Variants in KCNQ1 observed in about 807,000 individuals in gnomAD.
The protein encoded by KCNQ1 is potassium voltage-gated channel subfamily KQT member 1.
Under a neutral mutation model 72.4 loss-of-function variants are expected in KCNQ1, and 49 were observed. That is an observed-to-expected ratio of 0.68 (90% CI 0.54 to 0.86). The LOEUF (loss-of-function observed/expected upper bound fraction) is 0.86, where lower values mean the gene tolerates loss of function less well. Ranked by LOEUF, KCNQ1 falls within the 40% of genes least tolerant of loss-of-function variation. The probability of loss-of-function intolerance (pLI) is 0.00; values close to 1 mark genes in which losing one functional copy is unlikely to be tolerated. For missense variants in KCNQ1, 790 were observed against 945.1 expected (o/e 0.84, Z 2.15); for synonymous variants, 450 against 412.6 (o/e 1.09, Z -1.10).
chr11:2,718,840 G>A (rs1851148193), intron 11 of KCNQ1, among the ~76,000 whole-genome samples: 1 of 152,220 alleles, frequency 6.6e-6, no homozygotes, highest in African/African-American at 2.4e-5. Flanking sequence ...AGCTGGCTAG[G>A]CAGGCATCCC....
intron 1 of KCNQ1, among the ~76,000 whole-genome samples, chr11:2,452,925 A>G (rs1846136118): frequency 6.6e-6 from 1 of 152,202 alleles, no homozygotes; most frequent in South Asian, 2.1e-4. Flanking sequence ...CCCACTTGTC[A>G]CATCACACAC....
chr11:2,506,698 C>T (rs763744428), intron 1 of KCNQ1, among the ~76,000 whole-genome samples: 26 of 152,362 alleles, frequency 1.7e-4, no homozygotes, highest in Admixed American at 1.2e-3. Context: ...AACGGTTGCA[C>T]ATTTGCACTC....
At position 2,538,616 on chromosome 11, in the gene KCNQ1, G is replaced by A. The variant is rs79630929; in HGVS notation, c.477+10598G>A. 0.061 allele frequency among the ~76,000 whole-genome samples: 9,294 copies of A among 151,608 alleles called. 368 individuals are homozygous for A. The highest frequency in any genetic ancestry group is 0.089 in the Non-Finnish European group (6,042 of 67,862). On this transcript the variant is annotated intron_variant, in intron 2 of 15. Transcript: ENST00000155840. This position sits in a 1 kb window ranked among gnomAD's most constrained non-coding sequence, Gnocchi z 6.7. The stretch of plus-strand genomic sequence containing the variant: ...GGGAATCCTGGGCTGGAACCGGAAC[G>A]TTCCCCGAGTACATAGGAATCCTGG...
rs1374145777 is a variant in KCNQ1 at position 2,661,010 on chromosome 11, C to G, written c.1394-951C>G. The G allele has an allele frequency of 2.5e-6, 1 of 398,406 alleles. No homozygotes were observed. Among genetic ancestry groups the G allele is most frequent in the African/African-American group, 2.1e-5 (1 of 48,598 alleles). 24.7% of individuals were successfully genotyped at this position (398,406 alleles called of 1,614,324 possible). ...ATGACTAAAATAATTAAATCCATGC[C>G]TATATACCTAGAGAAAAATGAAATG... On this transcript the variant is annotated intron_variant, in intron 10 of 15. Transcript: ENST00000155840. This position sits in a 1 kb window ranked among gnomAD's most constrained non-coding sequence, Gnocchi z 5.9.
intron 11 of KCNQ1, among the ~76,000 whole-genome samples, chr11:2,763,388 ACCC>A: frequency 7.5e-6 from 1 of 133,492 alleles, no homozygotes. Context: ...AAATAACAAG[ACCC>A]CATCTTAGAA....
chr11:2,467,565 A>C (rs1368561553), intron 1 of KCNQ1, among the ~76,000 whole-genome samples: 4 of 152,182 alleles, frequency 2.6e-5, no homozygotes, highest in Non-Finnish European at 5.9e-5. Context: ...GACCATTGAG[A>C]TCACGTCAGG....
At chr11:2,571,939 C>A in intron 4 of KCNQ1, 74 bp from the exon 5 acceptor site, 2 of 1,298,706 alleles carry the variant, frequency 1.5e-6, no homozygotes, top group East Asian at 2.4e-5. Flanking sequence ...CCCATGCCAT[C>A]GGCCAGCCCT....
Position 2,475,851 on chromosome 11 carries a change from G to A in KCNQ1, c.386+30367G>A, listed in dbSNP as rs1274553293. 3.9e-5 allele frequency among the ~76,000 whole-genome samples: 6 copies of A among 152,182 alleles called. No homozygotes were observed. The highest frequency in any genetic ancestry group is 9.6e-5 in the African/African-American group (4 of 41,452). On this transcript the variant is annotated intron_variant, in intron 1 of 15. Coordinates refer to ENST00000155840, the MANE Select transcript of KCNQ1 (RefSeq NM_000218.3). The surrounding 1 kb of genome is among the most constrained non-coding windows in gnomAD (Gnocchi z 5.8). Reference sequence around the variant, plus strand: ...TCATGTTTTGCCTGCCACCATCCACGTAAGATGGGACTTGGTCCTCCTTGC... The same window carrying A: ...TCATGTTTTGCCTGCCACCATCCACATAAGATGGGACTTGGTCCTCCTTGC...
At position 2,475,027 on chromosome 11, in the gene KCNQ1, C is replaced by T. The variant is rs1462951938; in HGVS notation, c.386+29543C>T. ...TAAAATACACGTAACGTAAAATTGA[C>T]CTTTTTAACCCATGTTTCATGGTCT... On this transcript the variant is annotated intron_variant, in intron 1 of 15. Coordinates refer to ENST00000155840, the MANE Select transcript of KCNQ1 (RefSeq NM_000218.3). This position sits in a 1 kb window ranked among gnomAD's most constrained non-coding sequence, Gnocchi z 5.8. Among the ~76,000 whole-genome samples the T allele has an allele frequency of 6.6e-6, 1 of 152,142 alleles. No individual in the cohort carries two copies. The highest frequency in any genetic ancestry group is 6.5e-5 in the Admixed American group (1 of 15,278).
At chr11:2,675,060 G>C in intron 11 of KCNQ1, 1 of 398,690 alleles carries the variant, frequency 2.5e-6, no homozygotes, top group Non-Finnish European at 4.4e-6. Flanking sequence ...GCCAAGGGCA[G>C]AGCCCCTGGA....
intron 11 of KCNQ1, among the ~76,000 whole-genome samples, chr11:2,741,578 C>T (rs1046770649): frequency 6.6e-6 from 1 of 152,240 alleles, no homozygotes; most frequent in Non-Finnish European, 1.5e-5. Context: ...TCTTCCAACC[C>T]AGGCCTGAGC....
rs1454432134 is a variant in KCNQ1, at chr11:2,447,061, C to G, written c.386+1577C>G. Among the ~76,000 whole-genome samples the G allele has an allele frequency of 1.3e-5, 2 of 152,232 alleles. No homozygotes were observed. Among genetic ancestry groups the G allele is most frequent in the East Asian group, 3.8e-4 (2 of 5,196 alleles). ...CCAAGGCAAAGTGCCCGCAGACCCC[C>G]TCAATTCTCACTTGTATTCAGGTTT... On this transcript the variant is annotated intron_variant, in intron 1 of 15. Transcript: ENST00000155840. This position sits in a 1 kb window ranked among gnomAD's most constrained non-coding sequence, Gnocchi z 7.6.
At chr11:2,576,638 C>T (rs1848427268) in intron 6 of KCNQ1, among the ~76,000 whole-genome samples, 1 of 152,276 alleles carries the variant, frequency 6.6e-6, no homozygotes, top group Non-Finnish European at 1.5e-5. Context: ...TCACTCTCTC[C>T]TCACCTGGAG....
At chr11:2,540,426 CT>C (rs898256671) in intron 2 of KCNQ1, among the ~76,000 whole-genome samples, 2 of 152,222 alleles carry the variant, frequency 1.3e-5, no homozygotes, top group Non-Finnish European at 2.9e-5. Context: ...TCCCAGCCCC[CT>C]GTTCAGGGCC....
chr11:2,460,493 C>CTCCCTCCT (rs1418181422), intron 1 of KCNQ1, among the ~76,000 whole-genome samples: 4 of 152,058 alleles, frequency 2.6e-5, no homozygotes, highest in African/African-American at 7.2e-5. Context: ...TCCTCCCTCC[C>CTCCCTCCT]TCCCTCCCTC....
chr11:2,495,592 T>C lies in KCNQ1; in HGVS notation c.387-32336T>C, dbSNP rs988678461. Among the ~76,000 whole-genome samples the C allele has an allele frequency of 5.3e-5, 8 of 152,362 alleles. No homozygotes were observed. Among genetic ancestry groups the C allele is most frequent in the African/African-American group, 1.9e-4 (8 of 41,590 alleles). On this transcript the variant is annotated intron_variant, in intron 1 of 15. Transcript: ENST00000155840. The surrounding 1 kb of genome is among the most constrained non-coding windows in gnomAD (Gnocchi z 4.6). ...TTTATTTCTGCCTTGATTTTGTTAT[T>C]TACTCAGTAGTCATTCAGTAGCAGG...
chr11:2,680,671 C>G, intron 11 of KCNQ1: 1 of 398,592 alleles, frequency 2.5e-6, no homozygotes. Flanking sequence ...CAGGACATTT[C>G]TAACTCTTCA....
chr11:2,795,797 C>T (rs1272133556), intron 15 of KCNQ1, among the ~76,000 whole-genome samples: 1 of 152,218 alleles, frequency 6.6e-6, no homozygotes, highest in Non-Finnish European at 1.5e-5. Context: ...TGAGGAACCC[C>T]ACGGGTTCCT....
chr11:2,472,430 A>G (rs1846499417), intron 1 of KCNQ1, among the ~76,000 whole-genome samples: 1 of 151,790 alleles, frequency 6.6e-6, no homozygotes, highest in Non-Finnish European at 1.5e-5. Flanking sequence ...GTGTGTGTGT[A>G]TGCATGTGTG....
Sources: gnomAD v4.1 joint callset for allele counts (sites outside exome capture counted in the v4.1 genomes callset) on GRCh38, gnomAD v4.1.1 for gene constraint, Gnocchi (gnomAD v3.1) non-coding constraint, MANE v1.5 for transcripts, NCBI Gene and HGNC (gene_info 2026-07-23, HGNC 2026-07-21) for gene names.